The following LPP variants were observed in gnomAD, a reference collection of about 807,000 sequenced individuals.
The protein encoded by LPP is lipoma-preferred partner.
Under a neutral mutation model 60.4 loss-of-function variants are expected in LPP, and 38 were observed. That is an observed-to-expected ratio of 0.63 (90% confidence interval 0.49 to 0.83). The LOEUF is 0.83. Among genes scored for constraint, LPP ranks in the 40% least tolerant of loss-of-function variants. The pLI, the probability that LPP is intolerant of heterozygous loss-of-function variation, is 0.00. For missense variants in LPP, 902 were observed against 783.6 expected (o/e 1.15, Z -1.80); for synonymous variants, 328 against 290.8 (o/e 1.13, Z -1.30).
At position 188,831,078 on chromosome 3, in the gene LPP, G is replaced by A. The variant is rs114675333; in HGVS notation, c.1411-35122G>A. Among the ~76,000 whole-genome samples the A allele has an allele frequency of 5.3e-3, 801 of 152,290 alleles. 4 individuals carry two copies. The highest frequency in any genetic ancestry group is 9.2e-3 in the Non-Finnish European group (623 of 68,018). ...GAATTATAAAGCTAATCTGTGGGGG[G>A]ATGCCAAGATTTCTCTATCATTCTG... On this transcript the variant is annotated intron_variant, in intron 9 of 11. Coordinates refer to ENST00000617246, the MANE Select transcript of LPP (RefSeq NM_001375462.1).
At chr3:188,539,582 G>T (rs950962131) in intron 6 of LPP, among the ~76,000 whole-genome samples, 2 of 152,110 alleles carry the variant, frequency 1.3e-5, no homozygotes, top group Non-Finnish European at 2.9e-5. Context: ...CTTCATTGGA[G>T]CATTTGAAAT....
At chr3:188,659,969 G>A (rs577508082) in intron 7 of LPP, among the ~76,000 whole-genome samples, 2 of 151,942 alleles carry the variant, frequency 1.3e-5, no homozygotes, top group Non-Finnish European at 2.9e-5. Flanking sequence ...TGTAACAGGA[G>A]TGAGCTTATT....
chr3:188,796,206 T>C (rs1745292444), intron 9 of LPP, among the ~76,000 whole-genome samples: 1 of 152,292 alleles, frequency 6.6e-6, no homozygotes, highest in South Asian at 2.1e-4. Flanking sequence ...GAAGTGATAC[T>C]TCACTGAGTT....
chr3:188,181,899 G>A (rs960025526), intron 1 of LPP, among the ~76,000 whole-genome samples: 1 of 152,144 alleles, frequency 6.6e-6, no homozygotes, highest in African/African-American at 2.4e-5. Context: ...TGTACATACT[G>A]TTTTGTAATT....
At chr3:188,788,269 T>C (rs1742558337) in intron 9 of LPP, among the ~76,000 whole-genome samples, 1 of 152,204 alleles carries the variant, frequency 6.6e-6, no homozygotes, top group African/African-American at 2.4e-5. Flanking sequence ...TGCACACACA[T>C]GCACATCCAC....
intron 3 of LPP, among the ~76,000 whole-genome samples, chr3:188,384,195 T>C (rs1408314338): frequency 6.6e-6 from 1 of 152,214 alleles, no homozygotes; most frequent in Non-Finnish European, 1.5e-5. Context: ...CCTTGCCCAT[T>C]TGATCTATTG....
chr3:188,156,178 C>T (rs1577025117), intron 1 of LPP, among the ~76,000 whole-genome samples: 3 of 152,092 alleles, frequency 2.0e-5, no homozygotes, highest in Non-Finnish European at 4.4e-5. Flanking sequence ...AGCCTGGGGC[C>T]TTAGGGTCTG....
chr3:188,312,793 A>G (rs1753859099), intron 2 of LPP: 1 of 152,196 alleles, frequency 6.6e-6, no homozygotes, highest in Admixed American at 6.5e-5. Flanking sequence ...ACCGTGGAAT[A>G]CTATGCAGCC....
chr3:188,489,368 G>A (rs181310059), intron 5 of LPP, among the ~76,000 whole-genome samples: 46 of 152,256 alleles, frequency 3.0e-4, no homozygotes, highest in African/African-American at 1.1e-3. Context: ...ACTGGAGAGA[G>A]GCAAGAAGGA....
intron 2 of LPP, among the ~76,000 whole-genome samples, chr3:188,269,635 C>CT (rs200315400): frequency 0.51 from 65,019 of 127,926 alleles, 16,573 homozygotes; most frequent in Middle Eastern, 0.62. Context: ...CTGGTTGTGC[C>CT]TTTTTTTTTA....
chr3:188,811,019 A>G (rs1023170624), intron 9 of LPP, among the ~76,000 whole-genome samples: 7 of 152,106 alleles, frequency 4.6e-5, no homozygotes, highest in Admixed American at 1.3e-4. Context: ...TCTCAAGGGT[A>G]TAGATGTAGG....
intron 7 of LPP, among the ~76,000 whole-genome samples, chr3:188,643,739 C>T (rs929001059): frequency 6.6e-6 from 1 of 152,074 alleles, no homozygotes; most frequent in Admixed American, 6.5e-5. Flanking sequence ...TTTAAAATGC[C>T]CCGTATTTCA....
chr3:188,613,903 TTTTATTTATTTA>T (rs55728018), intron 7 of LPP, among the ~76,000 whole-genome samples: 24 of 142,626 alleles, frequency 1.7e-4, no homozygotes, highest in African/African-American at 4.1e-4. Context: ...TTTAAATTAA[TTTTATTTATTTA>T]TTTATTTATT....
rs192863222 is a variant in LPP, at chr3:188,687,115, T to C, written c.1114-21152T>C. ...AATGAATATATCTGGTTATAGCTTA[T>C]CTCTTTTCTCCATGCTCCCTCATTT... On this transcript the variant is annotated intron_variant, in intron 7 of 11. Transcript: ENST00000617246. Among the ~76,000 whole-genome samples, 29 of 152,364 alleles carry C rather than the reference T, an allele frequency of 1.9e-4. No homozygotes were observed. The East Asian group carries it at 5.2e-3, about 27-fold the overall frequency.
At chr3:188,660,926 G>A (rs972433494) in intron 7 of LPP, among the ~76,000 whole-genome samples, 31 of 152,084 alleles carry the variant, frequency 2.0e-4, no homozygotes, top group African/African-American at 7.2e-4. Context: ...TGAGTGTGTA[G>A]CATTTATTTC....
intron 7 of LPP, among the ~76,000 whole-genome samples, chr3:188,693,845 G>A (rs978555883): frequency 3.3e-5 from 5 of 152,192 alleles, no homozygotes; most frequent in East Asian, 3.8e-4. Flanking sequence ...TCAAGAATGC[G>A]TCACTCTTCT....
intron 2 of LPP, among the ~76,000 whole-genome samples, chr3:188,304,939 A>C (rs1751041236): frequency 6.6e-6 from 1 of 152,230 alleles, no homozygotes; most frequent in South Asian, 2.1e-4. Context: ...AATAAATTAC[A>C]TATTTATTTG....
intron 1 of LPP, among the ~76,000 whole-genome samples, chr3:188,190,453 A>G (rs1043471950): frequency 2.0e-5 from 3 of 152,094 alleles, no homozygotes; most frequent in Non-Finnish European, 2.9e-5. Context: ...GAAGGAGTCA[A>G]TGTGGGGTCT....
chr3:188,226,322 A>G (rs1051217655), intron 2 of LPP, among the ~76,000 whole-genome samples: 2 of 152,128 alleles, frequency 1.3e-5, no homozygotes, highest in African/African-American at 4.8e-5. Context: ...TTTTATTTCT[A>G]TAACAACCCT....
Sources: gnomAD v4.1 joint callset for allele counts (sites outside exome capture counted in the v4.1 genomes callset) on GRCh38, gnomAD v4.1.1 for gene constraint, MANE v1.5 for transcripts, NCBI Gene and HGNC (gene_info 2026-07-23, HGNC 2026-07-21) for gene names.